Variants in CLSTN2 observed in about 807,000 individuals in gnomAD.
CLSTN2 encodes the protein calsyntenin-2.
A neutral mutation model predicts 101.2 loss-of-function variants in CLSTN2; 48 were observed. That is an observed-to-expected ratio of 0.47 (90% CI 0.38 to 0.60). The LOEUF is 0.60. CLSTN2 is among the 20% of genes least tolerant of loss of function. The pLI, the probability that CLSTN2 is intolerant of heterozygous loss-of-function variation, is 0.00. For synonymous variants in CLSTN2, 481 were observed against 463.6 expected, an observed-to-expected ratio of 1.04 and a Z score of -0.48; for missense variants, 1,160 against 1,238.2, an observed-to-expected ratio of 0.94 and a Z score of 0.95.
At chr3:140,026,104 A>G (rs949110817) in intron 1 of CLSTN2, among the ~76,000 whole-genome samples, 1 of 152,168 alleles carries the variant, frequency 6.6e-6, no homozygotes, top group African/African-American at 2.4e-5. Flanking sequence ...CCCTACTTTC[A>G]GCATATTGAT....
intron 1 of CLSTN2, among the ~76,000 whole-genome samples, chr3:140,112,248 T>A (rs937538079): frequency 6.6e-6 from 1 of 152,212 alleles, no homozygotes; most frequent in East Asian, 1.9e-4. Flanking sequence ...TTTAACTACT[T>A]GTCTTCTAAG....
chr3:140,396,836 G>C (rs1338861792), intron 2 of CLSTN2, among the ~76,000 whole-genome samples: 2 of 152,198 alleles, frequency 1.3e-5, no homozygotes, highest in Non-Finnish European at 2.9e-5. Flanking sequence ...CATGTTTTTA[G>C]CATCAGGAGC....
chr3:140,464,403 T>C (rs1347024994), intron 7 of CLSTN2, among the ~76,000 whole-genome samples: 1 of 152,208 alleles, frequency 6.6e-6, no homozygotes, highest in East Asian at 1.9e-4. Flanking sequence ...GGCTTTAGGA[T>C]CTACCTGAGA....
intron 5 of CLSTN2, among the ~76,000 whole-genome samples, chr3:140,443,187 G>A (rs1307130528): frequency 6.6e-6 from 1 of 152,240 alleles, no homozygotes; most frequent in African/African-American, 2.4e-5. Context: ...GCCATTGGAA[G>A]CTGAGACTAG....
intron 16 of CLSTN2, 89 bp downstream of exon 16, chr3:140,564,234 C>T (rs946970156): frequency 2.2e-5 from 26 of 1,209,234 alleles, no homozygotes; most frequent in African/African-American, 1.2e-4. Flanking sequence ...CAGCCCCATA[C>T]CCCCTCCTTC....
At chr3:140,519,285 T>G (rs2107772470) in intron 8 of CLSTN2, among the ~76,000 whole-genome samples, 2 of 152,372 alleles carry the variant, frequency 1.3e-5, no homozygotes, top group South Asian at 4.1e-4. Context: ...CATGTGGCAA[T>G]GAGAAGAATG....
intron 1 of CLSTN2, among the ~76,000 whole-genome samples, chr3:139,974,544 G>T (rs55690305): frequency 0.1 from 15,646 of 152,240 alleles, 949 homozygotes; most frequent in East Asian, 0.15. Flanking sequence ...GAAAAGCAAC[G>T]TTTCCAGGGA....
intron 2 of CLSTN2, among the ~76,000 whole-genome samples, chr3:140,202,328 T>C (rs1308108380): frequency 1.3e-5 from 2 of 151,946 alleles, no homozygotes; most frequent in African/African-American, 4.8e-5. Context: ...TGAGAAGTAG[T>C]GGGATTGTGG....
chr3:140,553,898 C>T (rs373646493), intron 10 of CLSTN2, among the ~76,000 whole-genome samples: 7 of 152,122 alleles, frequency 4.6e-5, no homozygotes, highest in East Asian at 1.9e-4. Context: ...TCCCACAGCG[C>T]TTCACTAAAA....
intron 2 of CLSTN2, among the ~76,000 whole-genome samples, chr3:140,395,725 G>A (rs1459601311): frequency 6.6e-6 from 1 of 152,078 alleles, no homozygotes; most frequent in Non-Finnish European, 1.5e-5. Flanking sequence ...ACCTCTTGAT[G>A]TGATTGGCAC....
At chr3:140,177,366 A>C (rs1174552908) in intron 2 of CLSTN2, among the ~76,000 whole-genome samples, 1 of 152,194 alleles carries the variant, frequency 6.6e-6, no homozygotes, top group Admixed American at 6.5e-5. Context: ...AGACTCTAAC[A>C]CATCTCTTTC....
At chr3:140,189,348 C>A (rs980516220) in intron 2 of CLSTN2, among the ~76,000 whole-genome samples, 2 of 152,094 alleles carry the variant, frequency 1.3e-5, no homozygotes, top group African/African-American at 4.8e-5. Context: ...CTAGCTGTAC[C>A]ATTTTTACTT....
At chr3:140,385,098 A>G (rs1368874607) in intron 2 of CLSTN2, among the ~76,000 whole-genome samples, 1 of 152,212 alleles carries the variant, frequency 6.6e-6, no homozygotes, top group Non-Finnish European at 1.5e-5. Context: ...AACCCTGAGC[A>G]GCAGGGTTGG....
At chr3:140,375,474 G>A (rs1057132273) in intron 2 of CLSTN2, among the ~76,000 whole-genome samples, 1 of 152,222 alleles carries the variant, frequency 6.6e-6, no homozygotes. Flanking sequence ...CATGCCTCAT[G>A]ACCAAATGAG....
In CLSTN2 at chr3:140,192,745, T is replaced by G. The variant is rs549530341; in HGVS notation, c.232+16672T>G. Among the ~76,000 whole-genome samples, 7 of 152,092 alleles carry G rather than the reference T, an allele frequency of 4.6e-5. No homozygotes were observed. In the South Asian group the frequency reaches 1.0e-3, roughly 23 times the overall value. On this transcript the variant is annotated intron_variant, in intron 2 of 16. Coordinates refer to ENST00000458420, the MANE Select transcript of CLSTN2 (RefSeq NM_022131.3). The stretch of plus-strand genomic sequence containing the variant: ...GCATGTTGGGTCATGTTTTTCAATC[T>G]ACTCTGCTGAGATCTGCCTTTTCAT...
At chr3:140,071,146 C>T (rs1162058124) in intron 1 of CLSTN2, among the ~76,000 whole-genome samples, 1 of 152,030 alleles carries the variant, frequency 6.6e-6, no homozygotes, top group Non-Finnish European at 1.5e-5. Context: ...GGAGAACTTA[C>T]ATCTAGTATA....
chr3:140,006,537 A>T (rs1210044490), intron 1 of CLSTN2, among the ~76,000 whole-genome samples: 1 of 152,180 alleles, frequency 6.6e-6, no homozygotes, highest in African/African-American at 2.4e-5. Flanking sequence ...GGCTGGCTGC[A>T]TAGTGCTTTA....
chr3:140,029,498 C>A (rs2007502462), intron 1 of CLSTN2, among the ~76,000 whole-genome samples: 1 of 152,128 alleles, frequency 6.6e-6, no homozygotes, highest in Non-Finnish European at 1.5e-5. Flanking sequence ...GTCCCACATG[C>A]TGATTTTTAA....
At chr3:140,412,097 C>A (rs1488460100) in intron 4 of CLSTN2, among the ~76,000 whole-genome samples, 4 of 152,192 alleles carry the variant, frequency 2.6e-5, no homozygotes, top group African/African-American at 4.8e-5. Flanking sequence ...CTCACCATAA[C>A]CTCTGCCTCC....
Sources: allele counts gnomAD v4.1 joint callset (sites outside exome capture counted in the v4.1 genomes callset), GRCh38; gene constraint gnomAD v4.1.1; transcripts MANE v1.5; gene names NCBI Gene and HGNC (gene_info 2026-07-23, HGNC 2026-07-21).